The following C6 variants were observed in gnomAD, a reference collection of about 807,000 sequenced individuals.
C6 encodes the protein complement C6, also known as complement component C6.
C6 carries 101 observed loss-of-function variants against 112.9 expected under a neutral mutation model. The observed-to-expected ratio is 0.89, with a 90% CI of 0.76 to 1.06. C6 has a LOEUF of 1.06. Ranked by LOEUF, C6 falls within the 50% of genes least tolerant of loss-of-function variation. The pLI is 0.00. For missense variants in C6, 1,202 were observed against 1,104.6 expected (o/e 1.09, Z -1.25); for synonymous variants, 431 against 384.1 (o/e 1.12, Z -1.43).
intron 17 of C6, among the ~76,000 whole-genome samples, chr5:41,147,663 T>C (rs909539748): frequency 1.3e-5 from 2 of 152,234 alleles, no homozygotes; most frequent in African/African-American, 4.8e-5. Context: ...TTCCTTTGCA[T>C]ACTTTATGCT....
intron 7 of C6, among the ~76,000 whole-genome samples, chr5:41,180,386 C>A (rs1301795370): frequency 1.3e-5 from 2 of 152,072 alleles, no homozygotes; most frequent in African/African-American, 4.8e-5. Flanking sequence ...TTTAAAATAT[C>A]TTTGTAAATG....
In C6 at chr5:41,184,311, A is replaced by C. The variant is rs893741965; in HGVS notation, c.726+1759T>G. Reference sequence around the variant, plus strand: ...CTCAGACTTTTAACCCACTGTGTGGAGTTTTAATGTCTTTCTTGATATACT... The same window carrying C: ...CTCAGACTTTTAACCCACTGTGTGGCGTTTTAATGTCTTTCTTGATATACT... On this transcript the variant is annotated intron_variant, in intron 6 of 17. Transcript: ENST00000337836. Among the ~76,000 whole-genome samples the C allele has an allele frequency of 3.9e-5, 6 of 152,084 alleles. No homozygotes were observed. The South Asian group carries it at 6.2e-4, about 16-fold the overall frequency.
chr5:41,259,525 A>G (rs1741912672), intron 1 of C6, among the ~76,000 whole-genome samples: 4 of 152,096 alleles, frequency 2.6e-5, no homozygotes, highest in Non-Finnish European at 5.9e-5. Context: ...ACCAAAAAAA[A>G]AAAAAAAAAA....
chr5:41,222,125 C>T (rs1225421188), intron 1 of C6, among the ~76,000 whole-genome samples: 2 of 149,216 alleles, frequency 1.3e-5, no homozygotes, highest in East Asian at 2.0e-4. Context: ...GAGATCATGC[C>T]ATTGCTCTGT....
intron 5 of C6, among the ~76,000 whole-genome samples, chr5:41,187,258 G>A (rs1378005733): frequency 6.6e-6 from 1 of 152,094 alleles, no homozygotes; most frequent in Non-Finnish European, 1.5e-5. Flanking sequence ...GGGGCTCAAG[G>A]GAACTCTAAA....
intron 5 of C6, among the ~76,000 whole-genome samples, chr5:41,191,774 C>T (rs1580155834): frequency 1.4e-5 from 2 of 146,234 alleles, no homozygotes; most frequent in Non-Finnish European, 1.5e-5. Flanking sequence ...TTACTGAATT[C>T]ATTTATCATT....
intron 11 of C6, chr5:41,159,562 A>G (rs558005853): frequency 8.4e-6 from 4 of 478,334 alleles, no homozygotes; most frequent in Admixed American, 6.4e-5. Flanking sequence ...GTGCACTCAT[A>G]TGTGTATAAA....
intron 9 of C6, among the ~76,000 whole-genome samples, chr5:41,167,138 G>A (rs1211933041): frequency 2.0e-5 from 3 of 152,020 alleles, no homozygotes; most frequent in Non-Finnish European, 4.4e-5. Flanking sequence ...GCCTCAGGCT[G>A]GAGAGAGTCA....
At chr5:41,230,229 A>C (rs1370397327) in intron 1 of C6, among the ~76,000 whole-genome samples, 3 of 152,182 alleles carry the variant, frequency 2.0e-5, no homozygotes, top group Non-Finnish European at 1.5e-5. Flanking sequence ...ATAACAGGGA[A>C]GATAACCATA....
chr5:41,242,261 C>T (rs572226871), intron 1 of C6, among the ~76,000 whole-genome samples: 3 of 152,210 alleles, frequency 2.0e-5, no homozygotes, highest in South Asian at 4.2e-4. Flanking sequence ...CCATCGTGTT[C>T]TCATGATAGT....
At chr5:41,217,662 A>T (rs1196556267), upstream of C6, among the ~76,000 whole-genome samples, 2 of 152,168 alleles carry the variant, frequency 1.3e-5, no homozygotes, top group Non-Finnish European at 2.9e-5. Context: ...AAAGAAAATG[A>T]GCTACAATTT....
At chr5:41,188,804 T>C (rs1749979905) in intron 5 of C6, among the ~76,000 whole-genome samples, 2 of 151,898 alleles carry the variant, frequency 1.3e-5, no homozygotes, top group South Asian at 4.1e-4. Context: ...TTTAGTGCTT[T>C]AAAGGACACC....
At chr5:41,150,111 A>T (rs1746243176) in intron 15 of C6, 86 bp from the exon 16 acceptor site, 1 of 864,706 alleles carries the variant, frequency 1.2e-6, no homozygotes, top group Non-Finnish European at 2.0e-6. Flanking sequence ...AGGCAGTGGT[A>T]AAGGATTCAT....
rs548410452 is a variant in C6 at position 41,150,773 on chromosome 5, G to A, written c.2291-748C>T. Among the ~76,000 whole-genome samples the A allele has an allele frequency of 4.6e-5, 7 of 152,082 alleles. No individual in the cohort carries two copies. The East Asian group carries it at 1.4e-3, about 30-fold the overall frequency. On this transcript the variant is annotated intron_variant, in intron 15 of 17. Coordinates refer to ENST00000337836, the MANE Select transcript of C6 (RefSeq NM_000065.5). The stretch of plus-strand genomic sequence containing the variant: ...ATGGTGGCATGCACCTGTAGTCCCA[G>A]CTACTCAGGAGGCTGAGGCAAAAGA...
chr5:41,258,994 A>G (rs1377200957), intron 1 of C6, among the ~76,000 whole-genome samples: 4 of 152,212 alleles, frequency 2.6e-5, no homozygotes, highest in African/African-American at 9.6e-5. Flanking sequence ...TTGGGTGGGG[A>G]CACAGAACCA....
intron 6 of C6, among the ~76,000 whole-genome samples, chr5:41,184,286 C>T (rs1198230643): frequency 2.0e-5 from 3 of 152,096 alleles, no homozygotes; most frequent in African/African-American, 4.8e-5. Context: ...TATGAAGGTG[C>T]TCAGACTTTT....
chr5:41,181,957 T>C (rs552372880), intron 6 of C6, among the ~76,000 whole-genome samples: 2 of 152,326 alleles, frequency 1.3e-5, no homozygotes, highest in African/African-American at 4.8e-5. Flanking sequence ...ACTTTTCAGT[T>C]CTGACAACTG....
intron 14 of C6, among the ~76,000 whole-genome samples, chr5:41,154,424 T>G (rs561756269): frequency 1.3e-5 from 2 of 152,348 alleles, no homozygotes; most frequent in South Asian, 4.1e-4. Flanking sequence ...GTCTTTGGAC[T>G]CTCATTCAAG....
intron 1 of C6, among the ~76,000 whole-genome samples, chr5:41,253,478 C>T (rs1360876674): frequency 6.6e-6 from 1 of 152,176 alleles, no homozygotes; most frequent in Non-Finnish European, 1.5e-5. Context: ...TTTCTTAACT[C>T]TGGGAGACTC....
Sources: allele counts gnomAD v4.1 joint callset (sites outside exome capture counted in the v4.1 genomes callset), GRCh38; gene constraint gnomAD v4.1.1; transcripts MANE v1.5; gene names NCBI Gene and HGNC (gene_info 2026-07-23, HGNC 2026-07-21).